Variants in CAPZB observed in about 807,000 individuals in gnomAD.
CAPZB encodes capping actin protein of muscle Z-line subunit beta, also known as F-actin-capping protein subunit beta.
A neutral mutation model predicts 38.1 loss-of-function variants in CAPZB; 2 were observed. The observed-to-expected ratio is 0.05, with a 90% confidence interval of 0.02 to 0.17. CAPZB has a LOEUF of 0.17. Among genes scored for constraint, CAPZB ranks in the 10% least tolerant of loss-of-function variants. The pLI, the probability that CAPZB is intolerant of heterozygous loss-of-function variation, is 1.00. For missense variants in CAPZB, 161 were observed against 334.2 expected, an observed-to-expected ratio of 0.48 and a Z score of 4.04; for synonymous variants, 107 against 127.4, an observed-to-expected ratio of 0.84 and a Z score of 1.08.
Position 19,342,885 on chromosome 1 carries a change from G to C in CAPZB, c.731+1473C>G, listed in dbSNP as rs1015035124. 7 of 1,408,810 alleles carry C rather than the reference G, an allele frequency of 5.0e-6. No homozygotes were observed. The African/African-American group carries it at 7.1e-5, about 14-fold the overall frequency. The allele number at this position is 1,408,810 out of a possible 1,614,324, so 87.3% of individuals were successfully genotyped here. On this transcript the variant is annotated intron_variant, in intron 8 of 8. Transcript: ENST00000264202. ...TAGATCTACAGAGAGTGTTCAAGAT[G>C]AGTGGAGTGGGAGGGAAGAGAACGA...
Position 19,339,504 on chromosome 1 carries a change from G to GT in CAPZB, c.*25dup. Reference sequence around the variant, plus strand: ...GAAAGGAATCTAACGAGTGCACGGCGTGTCTGGTTAGCATGAAACAGAGGT... The same window carrying GT: ...GAAAGGAATCTAACGAGTGCACGGCGTTGTCTGGTTAGCATGAAACAGAGGT... On this transcript the variant is annotated 3_prime_UTR_variant, in exon 9 of 9. Transcript: ENST00000264202. 6.5e-7 allele frequency: 1 copy of GT among 1,539,768 alleles called. No individual in the cohort carries two copies. The highest frequency in any genetic ancestry group is 9.0e-7 in the Non-Finnish European group (1 of 1,112,066).
chr1:19,424,667 T>C (rs978374772), intron 1 of CAPZB: 1 of 152,266 alleles, frequency 6.6e-6, no homozygotes, highest in Non-Finnish European at 1.5e-5. Context: ...GTATGCCCTG[T>C]CACTAGACGT....
intron 2 of CAPZB, among the ~76,000 whole-genome samples, chr1:19,405,652 C>T (rs889374243): frequency 6.6e-6 from 1 of 151,718 alleles, no homozygotes; most frequent in Admixed American, 6.6e-5. Context: ...TTTTAGCTTC[C>T]AGTCAATAGT....
Position 19,378,573 on chromosome 1 carries a change from T to G in CAPZB, c.296A>C (p.Glu99Ala). ...ATACTGGTCAAAGGCATTGTTGGCT[T>G]CCACCTCCAGCTTTCTCAGCCGAGC... ...PSARLRKLEV[E>A]ANNAFDQYRD... Residue 99 changes from glutamate to alanine, a missense_variant, in exon 4 of 9, where the codon GAA becomes GCA. Glu to Ala is a moderately radical substitution (Grantham distance 107). Transcript: ENST00000264202. 1 of 1,612,598 alleles carries G rather than the reference T, an allele frequency of 6.2e-7. No individual in the cohort carries two copies. Among genetic ancestry groups the G allele is most frequent in the Non-Finnish European group, 8.5e-7 (1 of 1,178,568 alleles).
intron 1 of CAPZB, among the ~76,000 whole-genome samples, chr1:19,440,958 A>C (rs1007882624): frequency 6.6e-6 from 1 of 152,008 alleles, no homozygotes; most frequent in African/African-American, 2.4e-5. Context: ...TACTCGGGAG[A>C]CTGAGGCAGG....
intron 1 of CAPZB, among the ~76,000 whole-genome samples, chr1:19,473,728 G>C (rs191450704): frequency 1.8e-4 from 28 of 152,312 alleles, no homozygotes; most frequent in Admixed American, 1.4e-3. Flanking sequence ...GCCGGGCATA[G>C]TGGCACGTGC....
At chr1:19,438,251 G>GA (rs1173721100) in intron 1 of CAPZB, among the ~76,000 whole-genome samples, 1 of 152,194 alleles carries the variant, frequency 6.6e-6, no homozygotes, top group East Asian at 1.9e-4. Context: ...GGAGGCTGGG[G>GA]AGAGCAGGGA....
chr1:19,361,206 G>A lies in CAPZB; in HGVS notation c.330-3643C>T, dbSNP rs565647588. Among the ~76,000 whole-genome samples, 601 of 152,292 alleles carry A rather than the reference G, an allele frequency of 3.9e-3. 1 individual carries two copies. The highest frequency in any genetic ancestry group is 0.013 in the African/African-American group (529 of 41,564). ...TGACTTTTAATAAAGAAACAACGGCGACAGAGTTAGAGGCGGCGTGGTCAA... is the reference window on the plus strand; with the variant it reads ...TGACTTTTAATAAAGAAACAACGGCAACAGAGTTAGAGGCGGCGTGGTCAA... On this transcript the variant is annotated intron_variant, in intron 4 of 8. Coordinates refer to ENST00000264202, the MANE Select transcript of CAPZB (RefSeq NM_004930.5).
chr1:19,435,624 A>C (rs915249518), intron 1 of CAPZB, among the ~76,000 whole-genome samples: 1 of 152,246 alleles, frequency 6.6e-6, no homozygotes, highest in Non-Finnish European at 1.5e-5. Flanking sequence ...TTATATGCCA[A>C]TATCTCATGT....
At chr1:19,481,460 C>T (rs765300012) in intron 1 of CAPZB, among the ~76,000 whole-genome samples, 1 of 152,160 alleles carries the variant, frequency 6.6e-6, no homozygotes, top group Admixed American at 6.5e-5. Flanking sequence ...GACAGGGATC[C>T]GAATCCCAGG....
At chr1:19,380,898 G>A (rs144686587) in intron 3 of CAPZB, among the ~76,000 whole-genome samples, 7 of 152,194 alleles carry the variant, frequency 4.6e-5, no homozygotes, top group African/African-American at 9.6e-5. Context: ...GGCCAGGCGC[G>A]GTAGCTCACA....
chr1:19,431,741 T>C (rs914553731), intron 1 of CAPZB, among the ~76,000 whole-genome samples: 6 of 106,726 alleles, frequency 5.6e-5, no homozygotes, highest in Admixed American at 3.9e-4. Context: ...AAATAAAAAA[T>C]AAAAAATAAA....
At chr1:19,387,864 C>T (rs1245283584) in intron 2 of CAPZB, among the ~76,000 whole-genome samples, 2 of 152,242 alleles carry the variant, frequency 1.3e-5, no homozygotes, top group Non-Finnish European at 1.5e-5. Flanking sequence ...GAGCCTGGCA[C>T]AGGGAAATGC....
intron 4 of CAPZB, among the ~76,000 whole-genome samples, chr1:19,376,330 C>G (rs991006128): frequency 6.6e-6 from 1 of 152,196 alleles, no homozygotes; most frequent in Non-Finnish European, 1.5e-5. Flanking sequence ...CCACTTCCAC[C>G]TTCAAACTTA....
intron 1 of CAPZB, among the ~76,000 whole-genome samples, chr1:19,439,024 T>G (rs12045440): frequency 0.3 from 46,209 of 152,160 alleles, 7,389 homozygotes; most frequent in Middle Eastern, 0.38. Context: ...TTGGGATTCA[T>G]TCTTACATGT....
chr1:19,385,468 C>T lies in CAPZB; in HGVS notation c.215+37G>A, dbSNP rs1164017048. ...GGTACCTACGGCAGCCCGCGTGTGC[C>T]TGCTGTGCCTGCTGCATCCCCGGGG... On this transcript the variant is annotated intron_variant, in intron 3 of 8. Coordinates refer to ENST00000264202, the MANE Select transcript of CAPZB (RefSeq NM_004930.5). The T allele has an allele frequency of 4.0e-5, 65 of 1,610,716 alleles. 1 individual carries two copies. Among genetic ancestry groups the T allele is most frequent in the Non-Finnish European group, 5.1e-5 (60 of 1,178,874 alleles).
Position 19,353,788 on chromosome 1 carries a change from A to C in CAPZB, c.588+2847T>G, listed in dbSNP as rs564110346. Among the ~76,000 whole-genome samples, 6 of 152,354 alleles carry C rather than the reference A, an allele frequency of 3.9e-5. No individual in the cohort carries two copies. In the South Asian group the frequency reaches 1.2e-3, roughly 32 times the overall value. On this transcript the variant is annotated intron_variant, in intron 6 of 8. Transcript: ENST00000264202. Reference sequence around the variant, plus strand: ...TGGCTTCCAGCAGGAGATCATCCTGAAAGACAAAGGCACACCTGCGGGAGG... The same window carrying C: ...TGGCTTCCAGCAGGAGATCATCCTGCAAGACAAAGGCACACCTGCGGGAGG...
intron 1 of CAPZB, among the ~76,000 whole-genome samples, chr1:19,473,860 G>C (rs969666370): frequency 6.6e-6 from 1 of 152,080 alleles, no homozygotes; most frequent in Non-Finnish European, 1.5e-5. Flanking sequence ...ATGAAATTCT[G>C]TCTTAAAAAA....
chr1:19,380,666 A>C (rs2094169481), intron 3 of CAPZB, among the ~76,000 whole-genome samples: 1 of 152,232 alleles, frequency 6.6e-6, no homozygotes, highest in African/African-American at 2.4e-5. Context: ...ATGTGTAGCT[A>C]CTTGCATACT....
Sources: gnomAD v4.1 joint callset for allele counts (sites outside exome capture counted in the v4.1 genomes callset) on GRCh38, gnomAD v4.1.1 for gene constraint, MANE v1.5 for transcripts, NCBI Gene and HGNC (gene_info 2026-07-23, HGNC 2026-07-21) for gene names.